Variants in KLF8 observed in about 807,000 individuals in gnomAD.
KLF8 encodes Krueppel-like factor 8.
A neutral mutation model predicts 18.2 loss-of-function variants in KLF8; 10 were observed. The observed-to-expected ratio is 0.55, with a 90% confidence interval of 0.34 to 0.93. The LOEUF is 0.93. Among genes scored for constraint, KLF8 ranks in the 40% least tolerant of loss-of-function variants. KLF8 has a pLI of 0.02. For synonymous variants in KLF8, 109 were observed against 97.3 expected (o/e 1.12, Z -0.71); for missense variants, 264 against 277.9 (o/e 0.95, Z 0.36).
chrX:55,940,752 C>G, the KLF8 span, among the ~76,000 whole-genome samples: 1 of 111,646 alleles, frequency 9.0e-6, no homozygotes, highest in Non-Finnish European at 1.9e-5. Flanking sequence ...AGAGCCAAAT[C>G]ATGAGTGAAC....
chrX:56,060,658 C>A, the KLF8 span, among the ~76,000 whole-genome samples: 2 of 110,876 alleles, frequency 1.8e-5, no homozygotes, highest in Non-Finnish European at 3.8e-5. Flanking sequence ...TTTTTTGTTG[C>A]TGTTGTTGTG....
At chrX:56,069,651 A>G in the KLF8 span, among the ~76,000 whole-genome samples, 1 of 111,128 alleles carries the variant, frequency 9.0e-6, no homozygotes, top group Non-Finnish European at 1.9e-5. Context: ...TGCCCTGGAA[A>G]CACCCAGATG....
the KLF8 span, among the ~76,000 whole-genome samples, chrX:56,126,176 G>A: frequency 9.0e-6 from 1 of 111,502 alleles, no homozygotes; most frequent in African/African-American, 3.3e-5. Context: ...TTTCCACCCA[G>A]ACTTCCCCAT....
the KLF8 span, among the ~76,000 whole-genome samples, chrX:56,033,854 GT>G: frequency 2.7e-5 from 3 of 111,824 alleles, no homozygotes; most frequent in Non-Finnish European, 5.7e-5. Flanking sequence ...TAAAATAGTT[GT>G]TTCTTGCTAG....
the KLF8 span, among the ~76,000 whole-genome samples, chrX:56,042,161 T>G: frequency 8.9e-6 from 1 of 112,437 alleles, no homozygotes; most frequent in African/African-American, 3.2e-5. Flanking sequence ...GAGCAGGTTG[T>G]TCAATTTCCA....
At chrX:56,120,671 A>T in the KLF8 span, among the ~76,000 whole-genome samples, 6 of 111,285 alleles carry the variant, frequency 5.4e-5, no homozygotes, top group Non-Finnish European at 1.1e-4. Context: ...CCACTCACTC[A>T]CCCACCACCT....
the KLF8 span, among the ~76,000 whole-genome samples, chrX:56,070,247 G>A: frequency 3.7e-4 from 41 of 110,105 alleles, no homozygotes; most frequent in African/African-American, 1.3e-3. Flanking sequence ...GGGGCCTGTC[G>A]GGGTGTTAGA....
At chrX:56,222,382 T>C in the KLF8 span, among the ~76,000 whole-genome samples, 3 of 109,819 alleles carry the variant, frequency 2.7e-5, no homozygotes, top group South Asian at 4.0e-4. Flanking sequence ...AGAGTGCCCA[T>C]TGATGCATCC....
Position 56,233,264 on chromosome X carries a change from C to G in KLF8, c.-71C>G, listed in dbSNP as rs757103846. On this transcript the variant is annotated 5_prime_UTR_variant, in exon 1 of 6. It adds an upstream start codon to the 5' untranslated region. Transcript: ENST00000468660. The stretch of plus-strand genomic sequence containing the variant: ...GTGAGGGGAACAGCTCTCTTGCGAT[C>G]AGCTCAGGAGTATGAGCCTCCCGGA... 8.4e-7 allele frequency: 1 copy of G among 1,185,790 alleles called. No individual in the cohort carries two copies. Among genetic ancestry groups the G allele is most frequent in the Non-Finnish European group, 1.1e-6 (1 of 873,437 alleles).
chrX:56,020,133 A>G, the KLF8 span, among the ~76,000 whole-genome samples: 1 of 112,054 alleles, frequency 8.9e-6, no homozygotes, highest in Non-Finnish European at 1.9e-5. Context: ...CTAGAATTCT[A>G]CATACACCAA....
chrX:56,220,752 T>A, the KLF8 span, among the ~76,000 whole-genome samples: 13 of 112,738 alleles, frequency 1.2e-4, no homozygotes, highest in East Asian at 3.6e-3. Context: ...CCTCCCCAAG[T>A]GCTGGGATTA....
At chrX:56,058,281 T>TATATACACATATATATACATATATATAC in the KLF8 span, among the ~76,000 whole-genome samples, 321 of 14,349 alleles carry the variant, frequency 0.022, 2 homozygotes, top group South Asian at 0.075. Context: ...TATATATACA[T>TATATACACATATATATACATATATATAC]ATATATATAT....
the KLF8 span, among the ~76,000 whole-genome samples, chrX:55,963,717 G>T: frequency 9.0e-6 from 1 of 111,581 alleles, no homozygotes; most frequent in Non-Finnish European, 1.9e-5. Context: ...ATATCATAAA[G>T]GCAGAAAACG....
the KLF8 span, among the ~76,000 whole-genome samples, chrX:55,942,013 C>A: frequency 9.0e-6 from 1 of 111,485 alleles, no homozygotes; most frequent in Non-Finnish European, 1.9e-5. Context: ...CATCCCATTA[C>A]TGAGTATATA....
chrX:56,004,140 G>C, the KLF8 span, among the ~76,000 whole-genome samples: 1 of 112,408 alleles, frequency 8.9e-6, no homozygotes, highest in African/African-American at 3.2e-5. Flanking sequence ...ATCTGGAACA[G>C]AAATGAAGGA....
the KLF8 span, among the ~76,000 whole-genome samples, chrX:55,955,683 T>C: frequency 9.0e-6 from 1 of 111,327 alleles, no homozygotes; most frequent in Admixed American, 9.5e-5. Context: ...AGCATTTCGT[T>C]AGGTTCTATA....
the KLF8 span, among the ~76,000 whole-genome samples, chrX:55,924,676 C>T: frequency 9.0e-6 from 1 of 110,533 alleles, no homozygotes; most frequent in African/African-American, 3.3e-5. Context: ...TCATTTGATA[C>T]TCAAATACCT....
the KLF8 span, among the ~76,000 whole-genome samples, chrX:56,034,841 C>T: frequency 7.1e-5 from 7 of 99,140 alleles, no homozygotes; most frequent in African/African-American, 2.2e-4. Flanking sequence ...CTGCAAGCTC[C>T]GCCTCCCGGG....
chrX:55,943,769 T>C, the KLF8 span, among the ~76,000 whole-genome samples: 1 of 112,254 alleles, frequency 8.9e-6, no homozygotes, highest in Non-Finnish European at 1.9e-5. Context: ...TAAAAACAAC[T>C]TCTTTGGAAC....
Sources: allele counts gnomAD v4.1 joint callset (sites outside exome capture counted in the v4.1 genomes callset), GRCh38; gene constraint gnomAD v4.1.1; transcripts MANE v1.5; gene names NCBI Gene and HGNC (gene_info 2026-07-23, HGNC 2026-07-21).